Variants in SIDT1 observed in about 807,000 individuals in gnomAD.
SIDT1 encodes the protein SID1 transmembrane family, member 1.
Under a neutral mutation model 107.5 loss-of-function variants are expected in SIDT1, and 101 were observed. The observed-to-expected ratio is 0.94, with a 90% confidence interval of 0.80 to 1.11. SIDT1 has a LOEUF of 1.11. Among genes scored for constraint, SIDT1 ranks in the 50% least tolerant of loss-of-function variants. The probability of loss-of-function intolerance (pLI) is 0.00; values close to 1 mark genes in which losing one functional copy is unlikely to be tolerated. For synonymous variants in SIDT1, 395 were observed against 398.2 expected (o/e 0.99, Z 0.10); for missense variants, 1,076 against 1,058.2 (o/e 1.02, Z -0.23).
chr3:113,600,213 G>A (rs146185636), intron 10 of SIDT1, among the ~76,000 whole-genome samples: 9,192 of 152,064 alleles, frequency 0.06, 910 homozygotes, highest in African/African-American at 0.21. Flanking sequence ...AGGAGGCCGA[G>A]GCAGGAGAAT....
Position 113,567,619 on chromosome 3 carries a change from C to T in SIDT1, c.424C>T (p.Gln142Ter). ...AGCAACCAATGAGACGGGACCCTTG[C>T]AGCAACTGATATTTGTAGATGTCGC... is the stretch of plus-strand genomic sequence containing the variant. ...SEATNETGPL[Q>*]QLIFVDVASM... Residue 142 changes from glutamine (Q) to a stop codon, truncating the protein, a stop_gained, in exon 3 of 25, where the codon CAG (glutamine) becomes TAG (stop). Coordinates refer to ENST00000264852, the MANE Select transcript of SIDT1 (RefSeq NM_017699.3). LOFTEE classifies it high-confidence loss of function. The T allele has an allele frequency of 6.2e-7, 1 of 1,614,152 alleles. No individual in the cohort carries two copies. Among genetic ancestry groups the T allele is most frequent in the Non-Finnish European group, 8.5e-7 (1 of 1,180,018 alleles).
chr3:113,598,706 A>G (rs1944749901), intron 10 of SIDT1, among the ~76,000 whole-genome samples: 3 of 152,366 alleles, frequency 2.0e-5, no homozygotes, highest in Admixed American at 2.0e-4. Flanking sequence ...ATGATAAAAT[A>G]TATGGTAAAA....
chr3:113,586,309 G>T (rs1208661287), intron 9 of SIDT1, among the ~76,000 whole-genome samples: 2 of 152,176 alleles, frequency 1.3e-5, no homozygotes, highest in African/African-American at 4.8e-5. Flanking sequence ...GTTGATAAAG[G>T]AAGGAAGGGC....
At chr3:113,552,210 C>T (rs7620803) in intron 1 of SIDT1, among the ~76,000 whole-genome samples, 47,738 of 151,820 alleles carry the variant, frequency 0.31, 8,090 homozygotes, top group East Asian at 0.62. Context: ...TGTATTTGCG[C>T]TCCCTTTCTC....
At chr3:113,625,021 T>TA (rs1283125942) in intron 23 of SIDT1, among the ~76,000 whole-genome samples, 14 of 152,270 alleles carry the variant, frequency 9.2e-5, no homozygotes, top group Admixed American at 9.2e-4. Context: ...AACAGTGCTG[T>TA]AATAAACATG....
At chr3:113,615,180 C>T (rs935268594) in intron 19 of SIDT1, 48 of 1,240,700 alleles carry the variant, frequency 3.9e-5, no homozygotes, top group Non-Finnish European at 4.9e-5. Context: ...CTCTTTCAGG[C>T]CGGGCAGACT....
chr3:113,580,183 G>A (rs1394119699), intron 4 of SIDT1, among the ~76,000 whole-genome samples: 2 of 152,082 alleles, frequency 1.3e-5, no homozygotes, highest in East Asian at 3.9e-4. Context: ...TGAGGAACAG[G>A]CTTATCTGCT....
chr3:113,620,192 A>ATATGTGTG lies in SIDT1; in HGVS notation c.2090+467_2090+468insATGTGTGT, dbSNP rs111631190. On this transcript the variant is annotated intron_variant, in intron 21 of 24. Coordinates refer to ENST00000264852, the MANE Select transcript of SIDT1 (RefSeq NM_017699.3). ...TCTGTAGAAATTTTTCTTTTACTAA[A>ATATGTGTG]TGTGTGTGTGTGTGTGTGTGTGTGT... is the stretch of plus-strand genomic sequence containing the variant. 3.2e-3 allele frequency among the ~76,000 whole-genome samples: 456 copies of ATATGTGTG among 144,652 alleles called. 3 individuals carry two copies. Among genetic ancestry groups the ATATGTGTG allele is most frequent in the East Asian group, 0.026 (127 of 4,916 alleles). The allele number at this position is 144,652 out of a possible 152,430, so 94.9% of individuals were successfully genotyped here.
intron 4 of SIDT1, among the ~76,000 whole-genome samples, chr3:113,579,488 C>G (rs1259169444): frequency 1.3e-5 from 2 of 152,048 alleles, no homozygotes; most frequent in African/African-American, 4.8e-5. Context: ...GTATTTGAGT[C>G]AAGCTCCAAA....
rs112557368 is a variant in SIDT1, at chr3:113,544,617, C to G, written c.222+11374C>G. On this transcript the variant is annotated intron_variant, in intron 1 of 24. Coordinates refer to ENST00000264852, the MANE Select transcript of SIDT1 (RefSeq NM_017699.3). ...AGAATGTCTCACAATTCAGATTTCT[C>G]TGATGTGTCTTCATTATTAGATCCA... 3.5e-3 allele frequency among the ~76,000 whole-genome samples: 537 copies of G among 152,300 alleles called. 1 individual carries two copies. The highest frequency in any genetic ancestry group is 5.8e-3 in the Non-Finnish European group (395 of 68,034).
chr3:113,544,457 T>C (rs1939341578), intron 1 of SIDT1, among the ~76,000 whole-genome samples: 1 of 152,224 alleles, frequency 6.6e-6, no homozygotes, highest in Non-Finnish European at 1.5e-5. Context: ...CCCAAAGTGC[T>C]GGGATTACAG....
At chr3:113,616,719 T>G (rs1476355380) in intron 20 of SIDT1, among the ~76,000 whole-genome samples, 1 of 151,902 alleles carries the variant, frequency 6.6e-6, no homozygotes, top group Non-Finnish European at 1.5e-5. Context: ...AGACGGAGTT[T>G]TGCTCTTGGC....
chr3:113,585,401 C>T, intron 9 of SIDT1, 131 bp downstream of exon 9: 1 of 693,216 alleles, frequency 1.4e-6, no homozygotes, highest in Non-Finnish European at 2.6e-6. Flanking sequence ...CCTTGGATAC[C>T]TTGTGACCTT....
At chr3:113,559,929 T>C (rs964176419) in intron 1 of SIDT1, among the ~76,000 whole-genome samples, 12 of 152,164 alleles carry the variant, frequency 7.9e-5, no homozygotes, top group African/African-American at 2.7e-4. Flanking sequence ...CTTCATTTCA[T>C]AGTAGAATAA....
At position 113,611,449 on chromosome 3, in the gene SIDT1, A is replaced by G. The variant is rs575557450; in HGVS notation, c.1857+305A>G. On this transcript the variant is annotated intron_variant, in intron 18 of 24. Transcript: ENST00000264852. ...CGGGTTCAAGCGATTCTCCTGCCTC[A>G]GCCTCCTGAGTAGCTGGGACTACAG... is the stretch of plus-strand genomic sequence containing the variant. 3.7e-4 allele frequency among the ~76,000 whole-genome samples: 57 copies of G among 152,276 alleles called. 1 individual carries two copies. In the South Asian group the frequency reaches 0.011, roughly 30 times the overall value.
At chr3:113,541,314 C>T (rs1938834079) in intron 1 of SIDT1, among the ~76,000 whole-genome samples, 1 of 152,022 alleles carries the variant, frequency 6.6e-6, no homozygotes, top group African/African-American at 2.4e-5. Flanking sequence ...GGATTACAGG[C>T]ACCTGCCACC....
rs574255123 is a variant in SIDT1, at chr3:113,629,052, G to T, written c.*1344G>T. 2 of 152,156 alleles carry T rather than the reference G, an allele frequency of 1.3e-5. No homozygotes were observed. Among genetic ancestry groups the T allele is most frequent in the Non-Finnish European group, 2.9e-5 (2 of 68,040 alleles). The allele number at this position is 152,156 out of a possible 1,614,324, so 9.4% of individuals were successfully genotyped here. On this transcript the variant is annotated 3_prime_UTR_variant, in exon 25 of 25. Transcript: ENST00000264852. ...AATAGACGTATAAATGTGCACATGC[G>T]TATGTATTTGCTTGTGAAATTAAAG... is the stretch of plus-strand genomic sequence containing the variant.
chr3:113,608,658 T>C lies in SIDT1; in HGVS notation c.1720+122T>C, dbSNP rs1945518381. The C allele has an allele frequency of 4.1e-6, 3 of 734,756 alleles. No homozygotes were observed. The Admixed American group carries it at 5.7e-5, about 14-fold the overall frequency. The allele number at this position is 734,756 out of a possible 1,614,324, so 45.5% of individuals were successfully genotyped here. On this transcript the variant is annotated intron_variant, in intron 17 of 24. Transcript: ENST00000264852. ...TGGCATTTTATGTGAGCTGAAGAGA[T>C]CAGAGAGGACCTCCACACAGAGCAT...
intron 11 of SIDT1, 102 bp from the exon 12 acceptor site, chr3:113,602,903 A>G (rs966332442): frequency 4.8e-6 from 6 of 1,245,452 alleles, no homozygotes; most frequent in Non-Finnish European, 6.7e-6. Context: ...GGATCAACAC[A>G]GCATTTCCTA....
Sources: allele counts gnomAD v4.1 joint callset (sites outside exome capture counted in the v4.1 genomes callset), GRCh38; gene constraint gnomAD v4.1.1; transcripts MANE v1.5; gene names NCBI Gene and HGNC (gene_info 2026-07-23, HGNC 2026-07-21).